The following B4GAT1 variants were observed in gnomAD, a reference collection of about 807,000 sequenced individuals.
The protein encoded by B4GAT1 is N-acetyllactosaminide beta-1,3-N-acetylglucosaminyltransferase.
Under a neutral mutation model 35.0 loss-of-function variants are expected in B4GAT1, and 18 were observed. The ratio of observed to expected loss-of-function variants is 0.51; its 90% confidence interval spans 0.36 to 0.76. B4GAT1 has a LOEUF of 0.76. Ranked by LOEUF, B4GAT1 falls within the 30% of genes least tolerant of loss-of-function variation. The probability of loss-of-function intolerance (pLI) is 0.01; values close to 1 mark genes in which losing one functional copy is unlikely to be tolerated. For missense variants in B4GAT1, 458 were observed against 555.0 expected, an observed-to-expected ratio of 0.83 and a Z score of 1.76; for synonymous variants, 217 against 251.6, an observed-to-expected ratio of 0.86 and a Z score of 1.30.
chr11:66,346,632 A>C lies in B4GAT1; in HGVS notation c.914T>G (p.Val305Gly). Reference sequence around the variant, plus strand: ...CAGCAAGCTCTCTTCCGGCAGGTTGACCCAGCGGGAATAGTTGGTGGGTGC... The same window carrying C: ...CAGCAAGCTCTCTTCCGGCAGGTTGCCCCAGCGGGAATAGTTGGTGGGTGC... ...CQAPTNYSRWVNLPEESLLRP... is the reference protein window; with the variant it reads ...CQAPTNYSRWGNLPEESLLRP... The change falls in exon 1 of 2, where the codon GTC becomes GGC. Residue 305 changes from valine (V) to glycine (G), a missense_variant. Coordinates refer to ENST00000311181, the MANE Select transcript of B4GAT1 (RefSeq NM_006876.3). The surrounding 1 kb of genome is among the most constrained non-coding windows in gnomAD (Gnocchi z 6.1). 1 of 1,613,802 alleles carries C rather than the reference A, an allele frequency of 6.2e-7. No homozygotes were observed. The highest frequency in any genetic ancestry group is 8.5e-7 in the Non-Finnish European group (1 of 1,180,000).
At position 66,346,495 on chromosome 11, in the gene B4GAT1, T is replaced by C. The variant is rs1193152580; in HGVS notation, c.1051A>G (p.Ser351Gly). The change falls in exon 1 of 2, where the codon AGC becomes GGC. Residue 351 changes from serine to glycine, a missense_variant. Physicochemically the swap from Ser to Gly is moderately conservative, Grantham distance 56. Coordinates refer to ENST00000311181, the MANE Select transcript of B4GAT1 (RefSeq NM_006876.3). This position sits in a 1 kb window ranked among gnomAD's most constrained non-coding sequence, Gnocchi z 6.1. Reference protein sequence around the residue: ...RFRQYGFNRISQACELHVAGF... With the variant: ...RFRQYGFNRIGQACELHVAGF... ...GCCCTCTCCCTTATGAGCACCTGGC[T>C]GATTCGGTTGAAGCCGTACTGCCGA... The C allele has an allele frequency of 1.2e-6, 2 of 1,601,634 alleles. No homozygotes were observed. Among genetic ancestry groups the C allele is most frequent in the Non-Finnish European group, 1.7e-6 (2 of 1,171,308 alleles).
At position 66,346,384 on chromosome 11, in the gene B4GAT1, T is replaced by C. The variant is rs1270361545; in HGVS notation, c.1056+106A>G. ...CATCCACCCACCTCCTGAACTATGA[T>C]CCCTCCTGCTTCATTGCCTCCTTTC... On this transcript the variant is annotated intron_variant, in intron 1 of 1. Transcript: ENST00000311181. The surrounding 1 kb of genome is among the most constrained non-coding windows in gnomAD (Gnocchi z 6.1). 1.2e-5 allele frequency: 18 copies of C among 1,538,706 alleles called. No individual in the cohort carries two copies.
At position 66,347,044 on chromosome 11, in the gene B4GAT1, G is replaced by A; in HGVS notation, c.502C>T (p.Pro168Ser). 1.3e-6 allele frequency: 2 copies of A among 1,588,352 alleles called. No individual in the cohort carries two copies. The highest frequency in any genetic ancestry group is 1.3e-5 in the African/African-American group (1 of 74,780). The change falls in exon 1 of 2, where the codon CCC (proline) becomes TCC (serine). Residue 168 changes from proline (P) to serine (S), a missense_variant. Coordinates refer to ENST00000311181, the MANE Select transcript of B4GAT1 (RefSeq NM_006876.3). The surrounding 1 kb of genome is among the most constrained non-coding windows in gnomAD (Gnocchi z 6.3). ...AACTCCCCCGGCTCCCGGGGGTCGG[G>A]CACGGCTGCCTCGTAACGCGAGGGG... is the stretch of plus-strand genomic sequence containing the variant. Reference protein sequence around the residue: ...VCPSRYEAAVPDPREPGEFAL... With the variant: ...VCPSRYEAAVSDPREPGEFAL...
In B4GAT1 at chr11:66,347,011, G is replaced by T; in HGVS notation, c.535C>A (p.Leu179Met). 6.3e-7 allele frequency: 1 copy of T among 1,599,250 alleles called. No individual in the cohort carries two copies. The highest frequency in any genetic ancestry group is 1.7e-5 in the Admixed American group (1 of 59,478). Residue 179 changes from leucine (L) to methionine (M), a missense_variant, in exon 1 of 2, where the codon CTG (leucine) becomes ATG (methionine). Transcript: ENST00000311181. This position sits in a 1 kb window ranked among gnomAD's most constrained non-coding sequence, Gnocchi z 6.3. Reference sequence around the variant, plus strand: ...TCAAAGACCTCCTGGCAGGACCGCAGCAGGGCAAACTCCCCCGGCTCCCGG... The same window carrying T: ...TCAAAGACCTCCTGGCAGGACCGCATCAGGGCAAACTCCCCCGGCTCCCGG... ...DPREPGEFAL[L>M]RSCQEVFDKL... is the part of the protein sequence containing the mutation.
rs759960341 is a variant in B4GAT1 at position 66,346,519 on chromosome 11, G to A, written c.1027C>T (p.Arg343Trp). Residue 343 changes from arginine (R) to tryptophan (W), a missense_variant, in exon 1 of 2, where the codon CGG (arginine) becomes TGG (tryptophan). Physicochemically the swap from Arg to Trp is moderately radical, Grantham distance 101. Coordinates refer to ENST00000311181, the MANE Select transcript of B4GAT1 (RefSeq NM_006876.3). The surrounding 1 kb of genome is among the most constrained non-coding windows in gnomAD (Gnocchi z 6.1). ...GKVPTFDERF[R>W]QYGFNRISQA... ...CTGATTCGGTTGAAGCCGTACTGCCGAAAGCGCTCGTCGAAGGTGGGCACC... is the reference window on the plus strand; with the variant it reads ...CTGATTCGGTTGAAGCCGTACTGCCAAAAGCGCTCGTCGAAGGTGGGCACC... 1.6e-5 allele frequency: 25 copies of A among 1,611,146 alleles called. No individual in the cohort carries two copies. The highest frequency in any genetic ancestry group is 2.0e-5 in the Non-Finnish European group (23 of 1,178,054).
Position 66,346,805 on chromosome 11 carries a change from GC to G in B4GAT1, c.740del (p.Ser247ThrfsTer24). ...WRGLREMLDQSNQWGGTALVV... is the reference protein window; with the variant it reads ...WRGLREMLDQXNQWGGTALVV... ...CCAGCGCGGTGCCTCCCCACTGGTT[GC>G]TCTGATCCAGCATTTCCCGCAGGCC... On this transcript the variant is annotated frameshift_variant, in exon 1 of 2. Coordinates refer to ENST00000311181, the MANE Select transcript of B4GAT1 (RefSeq NM_006876.3). LOFTEE classifies it high-confidence loss of function. The surrounding 1 kb of genome is among the most constrained non-coding windows in gnomAD (Gnocchi z 6.1). The G allele has an allele frequency of 6.2e-7, 1 of 1,613,834 alleles. No individual in the cohort carries two copies. Among genetic ancestry groups the G allele is most frequent in the Non-Finnish European group, 8.5e-7 (1 of 1,180,004 alleles).
chr11:66,347,385 C>T lies in B4GAT1; in HGVS notation c.161G>A (p.Arg54Gln). The part of the protein sequence containing the change: ...QYFEFFPPSP[R>Q]SVDQVKAQLR... The stretch of plus-strand genomic sequence containing the variant: ...CTGCGCCTTGACCTGGTCCACGGAC[C>T]GTGGGGACGGGGGAAAGAACTCAAA... Residue 54 changes from arginine to glutamine, a missense_variant, in exon 1 of 2, where the codon CGG becomes CAG. Transcript: ENST00000311181. The surrounding 1 kb of genome is among the most constrained non-coding windows in gnomAD (Gnocchi z 6.3). The T allele has an allele frequency of 1.3e-6, 2 of 1,587,268 alleles. No individual in the cohort carries two copies. The highest frequency in any genetic ancestry group is 1.7e-6 in the Non-Finnish European group (2 of 1,167,038).
chr11:66,346,595 G>A lies in B4GAT1; in HGVS notation c.951C>T (p.Tyr317=), dbSNP rs774619108. The change falls in exon 1 of 2, where the codon TAC becomes TAT. Residue 317 remains tyrosine (Y), a synonymous_variant. Coordinates refer to ENST00000311181, the MANE Select transcript of B4GAT1 (RefSeq NM_006876.3). This position sits in a 1 kb window ranked among gnomAD's most constrained non-coding sequence, Gnocchi z 6.1. ...CCCAGGGGTCCTGCCAAGGTACCAC[G>A]TAGGCGGGCCGCAGCAAGCTCTCTT... The part of the protein sequence containing the change: ...LPEESLLRPA[Y]VVPWQDPWEP... 3.1e-5 allele frequency: 50 copies of A among 1,613,780 alleles called. No homozygotes were observed. Among genetic ancestry groups the A allele is most frequent in the Non-Finnish European group, 3.9e-5 (46 of 1,180,028 alleles).
chr11:66,346,364 A>G lies in B4GAT1; in HGVS notation c.1057-124T>C. On this transcript the variant is annotated intron_variant, in intron 1 of 1. Transcript: ENST00000311181. This position sits in a 1 kb window ranked among gnomAD's most constrained non-coding sequence, Gnocchi z 6.1. ...GTATCCTGGATCTTCCACACCATCC[A>G]CCCACCTCCTGAACTATGATCCCTC... The G allele has an allele frequency of 6.5e-7, 1 of 1,536,772 alleles. No homozygotes were observed. The highest frequency in any genetic ancestry group is 8.8e-7 in the Non-Finnish European group (1 of 1,142,674).
chr11:66,345,963 G>T lies in B4GAT1; in HGVS notation c.*86C>A. The stretch of plus-strand genomic sequence containing the variant: ...AACACCACAGCTACCTCTGTAAAGT[G>T]GAGCGACATTTCTTACCCCAGTCAG... On this transcript the variant is annotated 3_prime_UTR_variant, in exon 2 of 2. Coordinates refer to ENST00000311181, the MANE Select transcript of B4GAT1 (RefSeq NM_006876.3). The T allele has an allele frequency of 1.4e-6, 2 of 1,405,362 alleles. No homozygotes were observed. The highest frequency in any genetic ancestry group is 2.7e-5 in the South Asian group (2 of 75,460). The allele number at this position is 1,405,362 out of a possible 1,614,324, so 87.1% of individuals were successfully genotyped here.
At position 66,347,283 on chromosome 11, in the gene B4GAT1, G is replaced by T. The variant is rs1855236097; in HGVS notation, c.263C>A (p.Thr88Asn). ...GATCACATCGTTGGGGTCCATGGTG[G>T]TCTTCAGCAGGCCCCTGTAGACGCG... ...DYRVYRGLLK[T>N]TMDPNDVILA... The change falls in exon 1 of 2, where the codon ACC (threonine) becomes AAC (asparagine). Residue 88 changes from threonine (T) to asparagine (N), a missense_variant. By Grantham distance (65) the Thr-to-Asn change is moderately conservative. Coordinates refer to ENST00000311181, the MANE Select transcript of B4GAT1 (RefSeq NM_006876.3). This position sits in a 1 kb window ranked among gnomAD's most constrained non-coding sequence, Gnocchi z 6.3. 2.6e-6 allele frequency: 4 copies of T among 1,567,286 alleles called. No individual in the cohort carries two copies. Among genetic ancestry groups the T allele is most frequent in the East Asian group, 4.8e-5 (2 of 42,060 alleles).
Position 66,347,393 on chromosome 11 carries a change from C to T in B4GAT1, c.153G>A (p.Pro51=), listed in dbSNP as rs2134975644. The part of the protein sequence containing the change: ...EQDQYFEFFP[P]SPRSVDQVKA... Reference sequence around the variant, plus strand: ...TGACCTGGTCCACGGACCGTGGGGACGGGGGAAAGAACTCAAAATATTGGT... The same window carrying T: ...TGACCTGGTCCACGGACCGTGGGGATGGGGGAAAGAACTCAAAATATTGGT... The change falls in exon 1 of 2, where the codon CCG becomes CCA. Residue 51 remains proline, a synonymous_variant. Coordinates refer to ENST00000311181, the MANE Select transcript of B4GAT1 (RefSeq NM_006876.3). This position sits in a 1 kb window ranked among gnomAD's most constrained non-coding sequence, Gnocchi z 6.3. 6.3e-7 allele frequency: 1 copy of T among 1,585,620 alleles called. No individual in the cohort carries two copies. Among genetic ancestry groups the T allele is most frequent in the Non-Finnish European group, 8.6e-7 (1 of 1,166,208 alleles).
rs1190625 is a variant in B4GAT1, at chr11:66,346,559, G to A, written c.987C>T (p.Tyr329=). 975 of 1,613,746 alleles carry A rather than the reference G, an allele frequency of 6.0e-4. 8 individuals carry two copies. In the African/African-American group the frequency reaches 0.011, roughly 18 times the overall value. The change falls in exon 1 of 2, where the codon TAC becomes TAT. Residue 329 remains tyrosine, a synonymous_variant. Transcript: ENST00000311181. This position sits in a 1 kb window ranked among gnomAD's most constrained non-coding sequence, Gnocchi z 6.1. Reference sequence around the variant, plus strand: ...AGGTGGGCACCTTGCCTCCTGCCACGTAGAATGGCTCCCAGGGGTCCTGCC... The same window carrying A: ...AGGTGGGCACCTTGCCTCCTGCCACATAGAATGGCTCCCAGGGGTCCTGCC... The part of the protein sequence containing the change: ...VPWQDPWEPF[Y]VAGGKVPTFD...
At position 66,346,443 on chromosome 11, in the gene B4GAT1, C is replaced by A; in HGVS notation, c.1056+47G>T. 1 of 1,560,470 alleles carries A rather than the reference C, an allele frequency of 6.4e-7. No individual in the cohort carries two copies. Among genetic ancestry groups the A allele is most frequent in the South Asian group, 1.2e-5 (1 of 82,514 alleles). On this transcript the variant is annotated intron_variant, in intron 1 of 1. Coordinates refer to ENST00000311181, the MANE Select transcript of B4GAT1 (RefSeq NM_006876.3). The surrounding 1 kb of genome is among the most constrained non-coding windows in gnomAD (Gnocchi z 6.1). ...GCCACTCCTCATAACTCCCTGATCCCACCACCCCTCCTGCCCCATTACCCC... is the reference window on the plus strand; with the variant it reads ...GCCACTCCTCATAACTCCCTGATCCAACCACCCCTCCTGCCCCATTACCCC...
Position 66,346,773 on chromosome 11 carries a change from G to A in B4GAT1, c.773C>T (p.Pro258Leu), listed in dbSNP as rs754018765. ...NQWGGTALVV[P>L]AFEIRRARRM... is the part of the protein sequence containing the mutation. Reference sequence around the variant, plus strand: ...GCGGGCTCTTCGGATTTCGAAGGCAGGCACCACCAGCGCGGTGCCTCCCCA... The same window carrying A: ...GCGGGCTCTTCGGATTTCGAAGGCAAGCACCACCAGCGCGGTGCCTCCCCA... The change falls in exon 1 of 2, where the codon CCT becomes CTT. Residue 258 changes from proline to leucine, a missense_variant. By Grantham distance (98) the Pro-to-Leu change is moderately conservative. Transcript: ENST00000311181. This position sits in a 1 kb window ranked among gnomAD's most constrained non-coding sequence, Gnocchi z 6.1. The A allele has an allele frequency of 6.2e-7, 1 of 1,613,820 alleles. No homozygotes were observed. The highest frequency in any genetic ancestry group is 8.5e-7 in the Non-Finnish European group (1 of 1,179,994).
chr11:66,346,691 C>G lies in B4GAT1; in HGVS notation c.855G>C (p.Arg285=), dbSNP rs749725503. Residue 285 remains arginine, a synonymous_variant, in exon 1 of 2, where the codon CGG becomes CGC. Transcript: ENST00000311181. The surrounding 1 kb of genome is among the most constrained non-coding windows in gnomAD (Gnocchi z 6.1). ...LVQLYQVGEV[R]PFYYGLCTPC... Reference sequence around the variant, plus strand: ...GGGTGCACAACCCATAATAGAAGGGCCGCACCTCGCCAACCTGGTAGAGCT... The same window carrying G: ...GGGTGCACAACCCATAATAGAAGGGGCGCACCTCGCCAACCTGGTAGAGCT... The G allele has an allele frequency of 1.9e-6, 3 of 1,613,828 alleles. No individual in the cohort carries two copies. The highest frequency in any genetic ancestry group is 2.2e-5 in the South Asian group (2 of 91,088).
Position 66,347,079 on chromosome 11 carries a change from T to G in B4GAT1, c.467A>C (p.His156Pro). Residue 156 changes from histidine to proline, a missense_variant, in exon 1 of 2, where the codon CAC (histidine) becomes CCC (proline). His to Pro is a moderately conservative substitution (Grantham distance 77). Transcript: ENST00000311181. This position sits in a 1 kb window ranked among gnomAD's most constrained non-coding sequence, Gnocchi z 6.3. ...CTCGTAACGCGAGGGGCACACGAGG[T>G]GCATGGCGACCCTGGCGCGCATGTC... ...CPDMRARVAMHLVCPSRYEAA... is the reference protein window; with the variant it reads ...CPDMRARVAMPLVCPSRYEAA... The G allele has an allele frequency of 6.3e-7, 1 of 1,583,906 alleles. No individual in the cohort carries two copies. Among genetic ancestry groups the G allele is most frequent in the Non-Finnish European group, 8.6e-7 (1 of 1,166,106 alleles).
chr11:66,346,104 C>CAT lies in B4GAT1; in HGVS notation c.1192_1193insAT (p.Arg398HisfsTer8). 1 of 1,613,998 alleles carries CAT rather than the reference C, an allele frequency of 6.2e-7. No homozygotes were observed. Among genetic ancestry groups the CAT allele is most frequent in the Non-Finnish European group, 8.5e-7 (1 of 1,179,956 alleles). On this transcript the variant is annotated frameshift_variant, in exon 2 of 2. Coordinates refer to ENST00000311181, the MANE Select transcript of B4GAT1 (RefSeq NM_006876.3). LOFTEE classifies it high-confidence loss of function. The surrounding 1 kb of genome is among the most constrained non-coding windows in gnomAD (Gnocchi z 6.1). ...GGCCTTCAACTCCTGTTTGAACTGG[C>CAT]GATATAGGATCTTATTGTGCTGATT... is the stretch of plus-strand genomic sequence containing the variant.
chr11:66,346,749 C>G lies in B4GAT1; in HGVS notation c.797G>C (p.Arg266Pro). Residue 266 changes from arginine to proline, a missense_variant, in exon 1 of 2, where the codon CGC becomes CCC. Physicochemically the swap from Arg to Pro is moderately radical, Grantham distance 103. Coordinates refer to ENST00000311181, the MANE Select transcript of B4GAT1 (RefSeq NM_006876.3). This position sits in a 1 kb window ranked among gnomAD's most constrained non-coding sequence, Gnocchi z 6.1. Reference sequence around the variant, plus strand: ...CTCGTTTTTGTTCATGGGCATGCGGCGGGCTCTTCGGATTTCGAAGGCAGG... The same window carrying G: ...CTCGTTTTTGTTCATGGGCATGCGGGGGGCTCTTCGGATTTCGAAGGCAGG... ...VVPAFEIRRA[R>P]RMPMNKNELV... 6.2e-7 allele frequency: 1 copy of G among 1,613,796 alleles called. No homozygotes were observed. Among genetic ancestry groups the G allele is most frequent in the East Asian group, 2.2e-5 (1 of 44,878 alleles).
Sources: allele counts gnomAD v4.1 joint callset, GRCh38; gene constraint gnomAD v4.1.1; non-coding constraint Gnocchi (gnomAD v3.1); transcripts MANE v1.5; gene names NCBI Gene and HGNC (gene_info 2026-07-23, HGNC 2026-07-21).